UGT8: variants seen among roughly 807,000 people sequenced by gnomAD.
UGT8 encodes 2-hydroxyacylsphingosine 1-beta-galactosyltransferase.
UGT8 carries 12 observed loss-of-function variants against 40.5 expected under a neutral mutation model. That is an observed-to-expected ratio of 0.30 (90% CI 0.19 to 0.48). UGT8 has a LOEUF of 0.48. Among genes scored for constraint, UGT8 ranks in the 20% least tolerant of loss-of-function variants. UGT8 has a pLI of 0.99. For synonymous variants in UGT8, 224 were observed against 240.4 expected, an observed-to-expected ratio of 0.93 and a Z score of 0.63; for missense variants, 513 against 648.7, an observed-to-expected ratio of 0.79 and a Z score of 2.27.
chr4:114,649,807 A>AT (rs1327093186), intron 2 of UGT8, among the ~76,000 whole-genome samples: 1 of 150,820 alleles, frequency 6.6e-6, no homozygotes, highest in Non-Finnish European at 1.5e-5. Context: ...TTGTTTTCTT[A>AT]TTTTAAAAAA....
At chr4:114,643,010 T>G (rs529689454) in intron 2 of UGT8, among the ~76,000 whole-genome samples, 92 of 152,284 alleles carry the variant, frequency 6.0e-4, no homozygotes, top group African/African-American at 2.1e-3. Context: ...TTTTAGATAT[T>G]TGAAAGAAGA....
chr4:114,609,242 C>A (rs1474254241), intron 1 of UGT8, among the ~76,000 whole-genome samples: 1 of 151,898 alleles, frequency 6.6e-6, no homozygotes, highest in African/African-American at 2.4e-5. Context: ...CATAGTGAGA[C>A]CTTGTCTCTT....
At chr4:114,619,809 A>G (rs1731668986) in intron 1 of UGT8, among the ~76,000 whole-genome samples, 1 of 151,946 alleles carries the variant, frequency 6.6e-6, no homozygotes, top group Non-Finnish European at 1.5e-5. Context: ...GAAGTGAAAT[A>G]TCTATTATGT....
intron 2 of UGT8, among the ~76,000 whole-genome samples, chr4:114,630,552 G>A (rs1732502656): frequency 6.6e-6 from 1 of 152,124 alleles, no homozygotes; most frequent in African/African-American, 2.4e-5. Flanking sequence ...AGAGTGGATA[G>A]AGATGTAGGA....
chr4:114,631,472 G>C (rs1732570858), intron 2 of UGT8, among the ~76,000 whole-genome samples: 1 of 152,272 alleles, frequency 6.6e-6, no homozygotes, highest in Non-Finnish European at 1.5e-5. Flanking sequence ...GGGCGACAGA[G>C]TGAGACTCCA....
At chr4:114,651,043 C>G (rs1401064587) in intron 2 of UGT8, among the ~76,000 whole-genome samples, 1 of 152,034 alleles carries the variant, frequency 6.6e-6, no homozygotes, top group Non-Finnish European at 1.5e-5. Flanking sequence ...AAGATCTTAT[C>G]TCTACTTTAC....
At chr4:114,660,506 G>C (rs1429657521) in intron 2 of UGT8, among the ~76,000 whole-genome samples, 1 of 152,018 alleles carries the variant, frequency 6.6e-6, no homozygotes, top group Non-Finnish European at 1.5e-5. Flanking sequence ...TTTTATTTTA[G>C]TGTTAATCCT....
chr4:114,599,947 A>G (rs1215340369), intron 1 of UGT8, among the ~76,000 whole-genome samples: 1 of 152,176 alleles, frequency 6.6e-6, no homozygotes, highest in African/African-American at 2.4e-5. Context: ...TGAGTACGGT[A>G]AACCTGCCAT....
chr4:114,605,726 G>T (rs1436962422), intron 1 of UGT8, among the ~76,000 whole-genome samples: 1 of 152,084 alleles, frequency 6.6e-6, no homozygotes, highest in East Asian at 1.9e-4. Context: ...GTGCAAATAT[G>T]CTATATGTTC....
At chr4:114,639,061 T>C (rs1290083685) in intron 2 of UGT8, among the ~76,000 whole-genome samples, 1 of 152,218 alleles carries the variant, frequency 6.6e-6, no homozygotes, top group African/African-American at 2.4e-5. Context: ...CATTAGATGC[T>C]GGAGATACAA....
intron 5 of UGT8, 62 bp from the exon 6 acceptor site, chr4:114,675,863 A>G (rs1172496511): frequency 6.6e-6 from 10 of 1,515,856 alleles, no homozygotes; most frequent in Non-Finnish European, 8.8e-6. Flanking sequence ...AAATGAAGAT[A>G]TGCATAAATA....
chr4:114,611,427 TATATATATATATATATATAC>T (rs1195093775), intron 1 of UGT8, among the ~76,000 whole-genome samples: 789 of 36,616 alleles, frequency 0.022, 13 homozygotes, highest in African/African-American at 0.04. Flanking sequence ...TATATATATA[TATATATATATATATATATAC>T]ACACACACAC....
chr4:114,638,090 A>G (rs980815563), intron 2 of UGT8, among the ~76,000 whole-genome samples: 2 of 152,186 alleles, frequency 1.3e-5, no homozygotes, highest in African/African-American at 4.8e-5. Context: ...TGTTTTATTT[A>G]CTTAAAACAG....
At chr4:114,617,689 A>G (rs938566949) in intron 1 of UGT8, among the ~76,000 whole-genome samples, 1 of 152,230 alleles carries the variant, frequency 6.6e-6, no homozygotes. Context: ...GTCCAAACAG[A>G]TAAGTGGAAA....
chr4:114,647,228 A>G (rs868639260), intron 2 of UGT8, among the ~76,000 whole-genome samples: 19 of 152,098 alleles, frequency 1.2e-4, no homozygotes, highest in African/African-American at 4.6e-4. Flanking sequence ...CTGAGGATCT[A>G]TAGTAATAAT....
At chr4:114,663,598 C>A (rs933029703) in intron 2 of UGT8, 21 of 692,070 alleles carry the variant, frequency 3.0e-5, no homozygotes, top group Non-Finnish European at 3.6e-5. Context: ...GTAAATGATA[C>A]ATTAACAAAT....
intron 2 of UGT8, among the ~76,000 whole-genome samples, chr4:114,644,460 A>G (rs1181349857): frequency 1.3e-5 from 2 of 152,078 alleles, no homozygotes; most frequent in East Asian, 3.9e-4. Context: ...TGATGTTTTT[A>G]TCTGAATCCC....
chr4:114,623,021 G>C lies in UGT8; in HGVS notation c.141G>C (p.Glu47Asp). The change falls in exon 2 of 6, where the codon GAG (glutamate) becomes GAC (aspartate). Residue 47 changes from glutamate to aspartate, a missense_variant. By Grantham distance (45) the Glu-to-Asp change is conservative. This residue lies in a region of UGT8 where 335 missense variants were observed against 444.8 expected (regional missense o/e 0.75). Coordinates refer to ENST00000310836, the MANE Select transcript of UGT8 (RefSeq NM_001128174.3). ...AGACGCTAGCCTCAGCCTTGCACGA[G>C]AGAGGCCACCATACAGTGTTCCTCC... ...IFKTLASALH[E>D]RGHHTVFLLS... 1 of 1,614,080 alleles carries C rather than the reference G, an allele frequency of 6.2e-7. No homozygotes were observed.
intron 2 of UGT8, among the ~76,000 whole-genome samples, chr4:114,663,442 T>C (rs1318832151): frequency 6.6e-6 from 1 of 152,066 alleles, no homozygotes; most frequent in Non-Finnish European, 1.5e-5. Context: ...AAACTGAAGC[T>C]GGGTGTCTTT....
Sources: allele counts gnomAD v4.1 joint callset (sites outside exome capture counted in the v4.1 genomes callset), GRCh38; gene constraint gnomAD v4.1.1; regional missense constraint gnomAD v4.1.1; transcripts MANE v1.5; gene names NCBI Gene and HGNC (gene_info 2026-07-23, HGNC 2026-07-21).